THSD4: variants seen among roughly 807,000 people sequenced by gnomAD.
The protein encoded by THSD4 is thrombospondin type-1 domain-containing protein 4.
A neutral mutation model predicts 119.0 loss-of-function variants in THSD4; 69 were observed. The ratio of observed to expected loss-of-function variants is 0.58; its 90% CI spans 0.48 to 0.71. The LOEUF (loss-of-function observed/expected upper bound fraction) is 0.71. Ranked by LOEUF, THSD4 falls within the 30% of genes least tolerant of loss-of-function variation. The probability of loss-of-function intolerance (pLI) is 0.00; values close to 1 mark genes in which losing one functional copy is unlikely to be tolerated. For missense variants in THSD4, 1,393 were observed against 1,391.1 expected, an observed-to-expected ratio of 1.00 and a Z score of -0.02; for synonymous variants, 524 against 540.4, an observed-to-expected ratio of 0.97 and a Z score of 0.42.
chr15:71,515,458 C>T (rs1023861525), intron 7 of THSD4, among the ~76,000 whole-genome samples: 15 of 152,234 alleles, frequency 9.9e-5, no homozygotes, highest in South Asian at 2.1e-4. Context: ...GGGCTGGCCG[C>T]GTCCTTGTCT....
In THSD4 at chr15:71,644,771, T is replaced by C. The variant is rs75998136; in HGVS notation, c.1153-15759T>C. 8.8e-3 allele frequency among the ~76,000 whole-genome samples: 1,338 copies of C among 152,286 alleles called. 17 individuals are homozygous for C. The highest frequency in any genetic ancestry group is 0.03 in the African/African-American group (1,262 of 41,554). On this transcript the variant is annotated intron_variant, in intron 7 of 17. Transcript: ENST00000261862. ...AATCTGAATGGCTTTGTATCAATCATGTCACCATTACCAACTTATTTGAGG... is the reference window on the plus strand; with the variant it reads ...AATCTGAATGGCTTTGTATCAATCACGTCACCATTACCAACTTATTTGAGG...
intron 14 of THSD4, 35 bp from the exon 15 acceptor site, chr15:71,757,867 C>A: frequency 6.2e-7 from 1 of 1,608,974 alleles, no homozygotes; most frequent in Non-Finnish European, 8.5e-7. Flanking sequence ...GCTGCCAGGG[C>A]CTCCTGACTA....
chr15:71,663,933 T>C (rs2051361762), intron 8 of THSD4, among the ~76,000 whole-genome samples: 1 of 152,156 alleles, frequency 6.6e-6, no homozygotes, highest in Non-Finnish European at 1.5e-5. Flanking sequence ...GAATAAGCAA[T>C]ATAAAGGAAA....
At chr15:71,254,459 G>A (rs1206474985) in intron 5 of THSD4, among the ~76,000 whole-genome samples, 3 of 152,232 alleles carry the variant, frequency 2.0e-5, no homozygotes, top group Non-Finnish European at 4.4e-5. Flanking sequence ...TGCTGCACAG[G>A]TTAGGATGCA....
chr15:71,770,707 G>A (rs1305471062), intron 16 of THSD4, among the ~76,000 whole-genome samples: 1 of 152,198 alleles, frequency 6.6e-6, no homozygotes, highest in African/African-American at 2.4e-5. Context: ...TAGGAACACT[G>A]AGTCTATATT....
chr15:71,328,583 G>A (rs1225624417), intron 6 of THSD4, among the ~76,000 whole-genome samples: 1 of 152,190 alleles, frequency 6.6e-6, no homozygotes, highest in East Asian at 1.9e-4. Context: ...CCCCTCTCCA[G>A]GAGCCAGCAT....
upstream of THSD4, chr15:71,112,035 T>C (rs2040308904): frequency 6.7e-7 from 1 of 1,491,196 alleles, no homozygotes. Context: ...CTGCATTGCC[T>C]TCCTGTAATC....
At chr15:71,566,153 T>C (rs530072853) in intron 7 of THSD4, among the ~76,000 whole-genome samples, 1 of 32,848 alleles carries the variant, frequency 3.0e-5, no homozygotes, top group East Asian at 1.2e-3. Flanking sequence ...TTTTTCTTTT[T>C]TTCTTTTTTT....
chr15:71,210,905 C>A (rs1314295432), intron 3 of THSD4, among the ~76,000 whole-genome samples: 1 of 151,994 alleles, frequency 6.6e-6, no homozygotes, highest in Non-Finnish European at 1.5e-5. Flanking sequence ...CCTTTTTTTA[C>A]TGTTGTTCTT....
intron 6 of THSD4, among the ~76,000 whole-genome samples, chr15:71,325,050 G>A (rs2045321298): frequency 6.6e-6 from 1 of 152,136 alleles, no homozygotes; most frequent in Non-Finnish European, 1.5e-5. Context: ...GCATTGCCCT[G>A]ATGATTAGTG....
intron 4 of THSD4, among the ~76,000 whole-genome samples, chr15:71,231,116 C>G (rs1596281128): frequency 6.6e-6 from 1 of 152,210 alleles, no homozygotes; most frequent in South Asian, 2.1e-4. Context: ...CCAGATCACT[C>G]TGATGCACAG....
intron 6 of THSD4, among the ~76,000 whole-genome samples, chr15:71,322,701 G>C (rs1458484525): frequency 6.6e-6 from 1 of 152,172 alleles, no homozygotes; most frequent in African/African-American, 2.4e-5. Flanking sequence ...GGTGCTGGCT[G>C]TGGGCAGGAG....
At chr15:71,710,100 T>TG (rs1475456585) in intron 8 of THSD4, among the ~76,000 whole-genome samples, 10 of 152,188 alleles carry the variant, frequency 6.6e-5, no homozygotes, top group Non-Finnish European at 1.3e-4. Flanking sequence ...TTTCCCATCC[T>TG]GAGGGGGCTG....
chr15:71,513,831 A>T (rs867903918), intron 7 of THSD4, among the ~76,000 whole-genome samples: 2 of 152,306 alleles, frequency 1.3e-5, no homozygotes, highest in Non-Finnish European at 1.5e-5. Context: ...CATGCAATAG[A>T]TATACTCAGC....
At chr15:71,738,803 C>T (rs527281128) in intron 11 of THSD4, among the ~76,000 whole-genome samples, 22 of 152,236 alleles carry the variant, frequency 1.4e-4, no homozygotes, top group African/African-American at 4.8e-4. Flanking sequence ...GCTACTCTCC[C>T]TTTACCATCC....
Position 71,406,602 on chromosome 15 carries a change from A to G in THSD4, c.1016-5085A>G, listed in dbSNP as rs531010275. Among the ~76,000 whole-genome samples the G allele has an allele frequency of 8.7e-5, 13 of 148,640 alleles. No individual in the cohort carries two copies. The South Asian group carries it at 2.8e-3, about 32-fold the overall frequency. On this transcript the variant is annotated intron_variant, in intron 6 of 17. Transcript: ENST00000261862. ...TATCAAAGTTTGAAACTACCGTTGTATTATTGTCTATTTCTTCTTTCAGTT... is the reference window on the plus strand; with the variant it reads ...TATCAAAGTTTGAAACTACCGTTGTGTTATTGTCTATTTCTTCTTTCAGTT...
At chr15:71,433,899 T>C (rs560783332) in intron 7 of THSD4, among the ~76,000 whole-genome samples, 1 of 152,164 alleles carries the variant, frequency 6.6e-6, no homozygotes, top group African/African-American at 2.4e-5. Flanking sequence ...AGGCATAAGC[T>C]CACAGCAAGA....
intron 7 of THSD4, among the ~76,000 whole-genome samples, chr15:71,459,043 G>T (rs2047378540): frequency 6.6e-6 from 1 of 151,788 alleles, no homozygotes; most frequent in African/African-American, 2.4e-5. Flanking sequence ...GAAAATATTT[G>T]GGAATTATAT....
intron 7 of THSD4, among the ~76,000 whole-genome samples, chr15:71,523,048 T>G (rs528038166): frequency 1.3e-5 from 2 of 152,206 alleles, no homozygotes; most frequent in Non-Finnish European, 2.9e-5. Flanking sequence ...GTCAACACTT[T>G]GGAGTAAGTC....
Sources: allele counts gnomAD v4.1 joint callset (sites outside exome capture counted in the v4.1 genomes callset), GRCh38; gene constraint gnomAD v4.1.1; transcripts MANE v1.5; gene names NCBI Gene and HGNC (gene_info 2026-07-23, HGNC 2026-07-21).